The following WIPI2 variants were observed in gnomAD, a reference collection of about 807,000 sequenced individuals.
WIPI2 encodes the protein WD repeat domain phosphoinositide-interacting protein 2.
A neutral mutation model predicts 52.3 loss-of-function variants in WIPI2; 28 were observed. The ratio of observed to expected loss-of-function variants is 0.54; its 90% CI spans 0.40 to 0.73. The LOEUF (loss-of-function observed/expected upper bound fraction) is 0.73. Among genes scored for constraint, WIPI2 ranks in the 30% least tolerant of loss-of-function variants. The pLI, the probability that WIPI2 is intolerant of heterozygous loss-of-function variation, is 0.00. For missense variants in WIPI2, 506 were observed against 602.9 expected, an observed-to-expected ratio of 0.84 and a Z score of 1.68; for synonymous variants, 268 against 245.0, an observed-to-expected ratio of 1.09 and a Z score of -0.88.
chr7:5,196,917 G>A (rs905616663), intron 2 of WIPI2, among the ~76,000 whole-genome samples: 1 of 151,864 alleles, frequency 6.6e-6, no homozygotes, highest in African/African-American at 2.4e-5. Context: ...TTCAAGACCA[G>A]CCTGGCCAAC....
chr7:5,222,568 G>T (rs1238868176), intron 7 of WIPI2, 34 bp from the exon 8 acceptor site: 3 of 1,600,322 alleles, frequency 1.9e-6, no homozygotes, highest in Non-Finnish European at 2.6e-6. Flanking sequence ...TTTTAACTCA[G>T]CTCAAATTCT....
chr7:5,191,627 T>C (rs577208540), intron 1 of WIPI2, among the ~76,000 whole-genome samples: 8 of 152,004 alleles, frequency 5.3e-5, no homozygotes, highest in African/African-American at 1.9e-4. Context: ...AAGGGTGAGT[T>C]ATGGGGTTGG....
chr7:5,223,597 A>T (rs1214501288), intron 8 of WIPI2, among the ~76,000 whole-genome samples: 1 of 151,936 alleles, frequency 6.6e-6, no homozygotes, highest in Non-Finnish European at 1.5e-5. Flanking sequence ...TCTGCCCTGG[A>T]GCCGCTCTTC....
intron 4 of WIPI2, 48 bp from the exon 5 acceptor site, chr7:5,216,515 T>A (rs1295413354): frequency 2.0e-6 from 3 of 1,485,916 alleles, no homozygotes; most frequent in Non-Finnish European, 2.8e-6. Context: ...GGGCAGGTAT[T>A]GCACTGGCCG....
intron 5 of WIPI2, 87 bp downstream of exon 5, chr7:5,216,746 T>C: frequency 1.5e-6 from 2 of 1,313,140 alleles, no homozygotes; most frequent in Non-Finnish European, 2.1e-6. Flanking sequence ...TTTCTTTTTA[T>C]AGGTTCCGCA....
At chr7:5,198,561 G>A (rs1242175712) in intron 2 of WIPI2, among the ~76,000 whole-genome samples, 3 of 152,064 alleles carry the variant, frequency 2.0e-5, no homozygotes, top group Admixed American at 6.6e-5. Context: ...TAATCTGCCC[G>A]CCTCAGCCTT....
chr7:5,207,008 G>A (rs765657624), intron 3 of WIPI2, among the ~76,000 whole-genome samples: 21 of 152,026 alleles, frequency 1.4e-4, no homozygotes, highest in Non-Finnish European at 2.5e-4. Flanking sequence ...CAAACTCCTG[G>A]GCTCAAGTGA....
intron 12 of WIPI2, 21 bp downstream of exon 12, chr7:5,229,759 C>G (rs1365310714): frequency 1.2e-6 from 2 of 1,612,826 alleles, no homozygotes; most frequent in Non-Finnish European, 1.7e-6. Context: ...TGACGCAAAC[C>G]TGGAAGGTAA....
At chr7:5,195,563 C>T (rs1439432472) in intron 2 of WIPI2, among the ~76,000 whole-genome samples, 1 of 152,158 alleles carries the variant, frequency 6.6e-6, no homozygotes, top group Non-Finnish European at 1.5e-5. Context: ...GGCAATAAAG[C>T]TATGTATTAG....
intron 4 of WIPI2, 114 bp from the exon 5 acceptor site, chr7:5,216,449 A>G (rs1200248912): frequency 1.2e-5 from 10 of 818,734 alleles, no homozygotes; most frequent in African/African-American, 8.5e-5. Flanking sequence ...ATAAAATACA[A>G]TAACAATAGA....
chr7:5,217,063 A>G, intron 5 of WIPI2, 27 bp from the exon 6 acceptor site: 2 of 1,594,230 alleles, frequency 1.3e-6, no homozygotes, highest in Non-Finnish European at 8.6e-7. Context: ...GGAAGTTTGC[A>G]TCTCGTCCTC....
At chr7:5,192,442 CTT>C (rs1204792174) in intron 1 of WIPI2, among the ~76,000 whole-genome samples, 1 of 152,182 alleles carries the variant, frequency 6.6e-6, no homozygotes, top group African/African-American at 2.4e-5. Context: ...AAAGCATTCT[CTT>C]TTACTGTTAC....
Position 5,232,794 on chromosome 7 carries a change from C to T in WIPI2, c.*1847C>T, listed in dbSNP as rs1783788268. ...ACCCTGAGCTAGGGTTTCCTGTCAC[C>T]AAAGAGTGAGCTGCATTTCCAGTTC... On this transcript the variant is annotated 3_prime_UTR_variant, in exon 13 of 13. Transcript: ENST00000288828. The T allele has an allele frequency of 2.6e-5, 4 of 155,066 alleles. No individual in the cohort carries two copies. The highest frequency in any genetic ancestry group is 5.7e-5 in the Non-Finnish European group (4 of 70,134). 9.6% of individuals were successfully genotyped at this position (155,066 alleles called of 1,614,324 possible). A position where few individuals can be genotyped will look rare whatever the true frequency, so the allele number is the denominator to read the frequency against.
At position 5,209,938 on chromosome 7, in the gene WIPI2, C is replaced by T. The variant is rs370917418; in HGVS notation, c.212-4597C>T. Among the ~76,000 whole-genome samples the T allele has an allele frequency of 3.3e-5, 5 of 151,982 alleles. No individual in the cohort carries two copies. In the East Asian group the frequency reaches 5.8e-4, roughly 18 times the overall value. Reference sequence around the variant, plus strand: ...TTTTTTGGTTTTTTTGGTGGAGTCTCGTTGTGCTGCCCATGCTGGAGTCTG... The same window carrying T: ...TTTTTTGGTTTTTTTGGTGGAGTCTTGTTGTGCTGCCCATGCTGGAGTCTG... On this transcript the variant is annotated intron_variant, in intron 3 of 12. Coordinates refer to ENST00000288828, the MANE Select transcript of WIPI2 (RefSeq NM_015610.4).
At chr7:5,218,458 A>G (rs1782933380) in intron 7 of WIPI2, 1 of 161,688 alleles carries the variant, frequency 6.2e-6, no homozygotes, top group African/African-American at 2.4e-5. Context: ...TATGGGTATA[A>G]TTTATCCTTT....
intron 3 of WIPI2, among the ~76,000 whole-genome samples, chr7:5,201,593 A>G (rs1158663939): frequency 1.3e-5 from 2 of 152,222 alleles, no homozygotes; most frequent in Non-Finnish European, 2.9e-5. Flanking sequence ...AAAATACAAA[A>G]AAATTAGCCA....
intron 7 of WIPI2, among the ~76,000 whole-genome samples, 180 bp from the exon 8 acceptor site, chr7:5,222,422 G>A (rs1315419900): frequency 6.6e-6 from 1 of 152,144 alleles, no homozygotes; most frequent in East Asian, 1.9e-4. Flanking sequence ...TTCTATGCTC[G>A]TGGCAAAAAG....
chr7:5,207,137 C>T (rs1349014179), intron 3 of WIPI2, among the ~76,000 whole-genome samples: 1 of 152,168 alleles, frequency 6.6e-6, no homozygotes, highest in African/African-American at 2.4e-5. Flanking sequence ...CTCCTCAATA[C>T]TGAGTAGAGT....
chr7:5,194,965 C>CT (rs1188816048), intron 2 of WIPI2, among the ~76,000 whole-genome samples: 2 of 151,998 alleles, frequency 1.3e-5, no homozygotes, highest in East Asian at 3.9e-4. Flanking sequence ...CAGAGGCGGG[C>CT]TTGTGGGGCC....
Sources: gnomAD v4.1 joint callset for allele counts (sites outside exome capture counted in the v4.1 genomes callset) on GRCh38, gnomAD v4.1.1 for gene constraint, MANE v1.5 for transcripts, NCBI Gene and HGNC (gene_info 2026-07-23, HGNC 2026-07-21) for gene names.